GPC5: variants seen among roughly 807,000 people sequenced by gnomAD.
The protein encoded by GPC5 is glypican 5, also known as glypican-5.
GPC5 carries 47 observed loss-of-function variants against 53.9 expected under a neutral mutation model. The observed-to-expected ratio is 0.87, with a 90% CI of 0.69 to 1.11. The LOEUF is 1.11. Ranked by LOEUF, GPC5 falls within the 50% of genes most tolerant of loss-of-function variation. GPC5 has a pLI of 0.00. For missense variants in GPC5, 748 were observed against 713.1 expected (o/e 1.05, Z -0.56); for synonymous variants, 286 against 263.3 (o/e 1.09, Z -0.84).
intron 7 of GPC5, among the ~76,000 whole-genome samples, chr13:92,264,137 A>C (rs1171495187): frequency 1.3e-5 from 2 of 152,164 alleles, no homozygotes; most frequent in Admixed American, 1.3e-4. Flanking sequence ...AGAGGCTATC[A>C]TATTTAAAAG....
At chr13:92,804,462 C>CTATT (rs1410202129) in intron 7 of GPC5, among the ~76,000 whole-genome samples, 1 of 152,018 alleles carries the variant, frequency 6.6e-6, no homozygotes, top group Admixed American at 6.6e-5. Context: ...TTACACTAGT[C>CTATT]TATTAAATGT....
intron 2 of GPC5, among the ~76,000 whole-genome samples, chr13:91,676,824 G>T (rs768234317): frequency 2.0e-5 from 3 of 152,196 alleles, no homozygotes; most frequent in Non-Finnish European, 2.9e-5. Context: ...AGAAGCTGTT[G>T]TTGGGTATAG....
intron 6 of GPC5, among the ~76,000 whole-genome samples, chr13:92,117,316 G>A (rs1288221197): frequency 6.6e-6 from 1 of 152,004 alleles, no homozygotes; most frequent in African/African-American, 2.4e-5. Context: ...TTTTATTTCT[G>A]AATTTTCTAT....
At chr13:92,721,719 G>A (rs1427857844) in intron 7 of GPC5, 1 of 151,894 alleles carries the variant, frequency 6.6e-6, no homozygotes, top group Non-Finnish European at 1.5e-5. Context: ...AATCATCTGG[G>A]GAAAATACTT....
chr13:92,820,918 G>T (rs140687477), intron 7 of GPC5, among the ~76,000 whole-genome samples: 2 of 152,056 alleles, frequency 1.3e-5, no homozygotes, highest in African/African-American at 4.8e-5. Flanking sequence ...AAACAGTGAC[G>T]AAACTGCCTA....
intron 4 of GPC5, among the ~76,000 whole-genome samples, chr13:91,756,032 C>T (rs1403334251): frequency 1.4e-5 from 2 of 148,062 alleles, no homozygotes; most frequent in Non-Finnish European, 3.0e-5. Context: ...ACCCAGTGAA[C>T]CTTTTTATTC....
At chr13:92,470,922 A>G (rs76945011) in intron 7 of GPC5, among the ~76,000 whole-genome samples, 98 of 152,222 alleles carry the variant, frequency 6.4e-4, no homozygotes, top group African/African-American at 2.2e-3. Flanking sequence ...GAGAAGAAGC[A>G]AGTTGCTTTG....
At chr13:92,770,662 C>T (rs531918412) in intron 7 of GPC5, among the ~76,000 whole-genome samples, 1 of 152,242 alleles carries the variant, frequency 6.6e-6, no homozygotes, top group Non-Finnish European at 1.5e-5. Context: ...ACATCTTTGT[C>T]ATCTTGTTGT....
chr13:92,138,383 G>T (rs1456147031), intron 6 of GPC5, among the ~76,000 whole-genome samples: 1 of 151,974 alleles, frequency 6.6e-6, no homozygotes, highest in Admixed American at 6.6e-5. Flanking sequence ...ACCTGGGCGT[G>T]GTGGTGTGCA....
At chr13:92,791,692 C>CAT (rs1876469297) in intron 7 of GPC5, among the ~76,000 whole-genome samples, 1 of 151,936 alleles carries the variant, frequency 6.6e-6, no homozygotes, top group Admixed American at 6.6e-5. Flanking sequence ...TTAGTGTGTA[C>CAT]ATATATATGT....
intron 7 of GPC5, among the ~76,000 whole-genome samples, chr13:92,775,413 C>T (rs1875767086): frequency 1.3e-5 from 2 of 152,140 alleles, no homozygotes; most frequent in African/African-American, 4.8e-5. Flanking sequence ...TCAAATATGC[C>T]AGTCATGAGT....
intron 7 of GPC5, among the ~76,000 whole-genome samples, chr13:92,865,776 G>C (rs1048845716): frequency 2.6e-5 from 4 of 151,982 alleles, no homozygotes. Context: ...TATAAAATTT[G>C]TCAAGTAAAA....
chr13:92,170,649 T>C (rs2042064021), intron 7 of GPC5, among the ~76,000 whole-genome samples: 1 of 152,038 alleles, frequency 6.6e-6, no homozygotes, highest in Non-Finnish European at 1.5e-5. Flanking sequence ...GGTTTTGAAC[T>C]CGTGACCTCA....
At chr13:92,685,456 T>A (rs1887234178) in intron 7 of GPC5, among the ~76,000 whole-genome samples, 1 of 151,996 alleles carries the variant, frequency 6.6e-6, no homozygotes, top group Non-Finnish European at 1.5e-5. Flanking sequence ...TCCACATATA[T>A]TTGTAATAAG....
At chr13:92,644,888 A>T (rs1461803787) in intron 7 of GPC5, among the ~76,000 whole-genome samples, 1 of 151,482 alleles carries the variant, frequency 6.6e-6, no homozygotes, top group East Asian at 1.9e-4. Context: ...TAAAAAAAAA[A>T]TGGAAGGAGG....
intron 7 of GPC5, among the ~76,000 whole-genome samples, chr13:92,468,973 G>A (rs527598892): frequency 2.6e-5 from 4 of 152,010 alleles, no homozygotes; most frequent in Non-Finnish European, 5.9e-5. Flanking sequence ...TGCCCATGGC[G>A]TCCTATTCCT....
chr13:92,297,997 G>A (rs947624662), intron 7 of GPC5, among the ~76,000 whole-genome samples: 1 of 151,996 alleles, frequency 6.6e-6, no homozygotes, highest in African/African-American at 2.4e-5. Context: ...GAGGGTCCGC[G>A]GCTTCATTCT....
intron 2 of GPC5, among the ~76,000 whole-genome samples, chr13:91,493,385 T>C (rs969011522): frequency 3.9e-5 from 6 of 152,198 alleles, no homozygotes; most frequent in African/African-American, 1.4e-4. Flanking sequence ...AAATGTACAA[T>C]TAAATTCCTT....
chr13:91,597,560 C>A (rs183123506), intron 2 of GPC5, among the ~76,000 whole-genome samples: 1 of 152,180 alleles, frequency 6.6e-6, no homozygotes, highest in African/African-American at 2.4e-5. Flanking sequence ...TTACTGCCTG[C>A]GCCAACACCT....
Sources: gnomAD v4.1 joint callset for allele counts (sites outside exome capture counted in the v4.1 genomes callset) on GRCh38, gnomAD v4.1.1 for gene constraint, MANE v1.5 for transcripts, NCBI Gene and HGNC (gene_info 2026-07-23, HGNC 2026-07-21) for gene names.